The following RNF144B variants were observed in gnomAD, a reference collection of about 807,000 sequenced individuals.
RNF144B encodes E3 ubiquitin-protein ligase RNF144B.
RNF144B carries 25 observed loss-of-function variants against 40.2 expected under a neutral mutation model. The ratio of observed to expected loss-of-function variants is 0.62; its 90% CI spans 0.45 to 0.87. The LOEUF (loss-of-function observed/expected upper bound fraction) is 0.87, where lower values mean the gene tolerates loss of function less well. Ranked by LOEUF, RNF144B falls within the 40% of genes least tolerant of loss-of-function variation. The pLI, the probability that RNF144B is intolerant of heterozygous loss-of-function variation, is 0.00. For synonymous variants in RNF144B, 145 were observed against 136.3 expected, an observed-to-expected ratio of 1.06 and a Z score of -0.44; for missense variants, 365 against 373.7, an observed-to-expected ratio of 0.98 and a Z score of 0.19.
intron 1 of RNF144B, among the ~76,000 whole-genome samples, chr6:18,389,353 T>G (rs1234674889): frequency 6.6e-6 from 1 of 152,192 alleles, no homozygotes; most frequent in African/African-American, 2.4e-5. Context: ...GTATGCTCTC[T>G]CTGGAAAGAA....
chr6:18,397,476 T>A (rs1344170998), intron 1 of RNF144B, among the ~76,000 whole-genome samples: 1 of 152,206 alleles, frequency 6.6e-6, no homozygotes, highest in Non-Finnish European at 1.5e-5. Context: ...AACATGAAAT[T>A]TCCAGATGTG....
chr6:18,407,983 T>A (rs1358422753), intron 2 of RNF144B, among the ~76,000 whole-genome samples: 1 of 105,106 alleles, frequency 9.5e-6, no homozygotes, highest in Middle Eastern at 5.6e-3. Context: ...TCTTTCTTTT[T>A]CTTTTTTTTT....
chr6:18,434,577 G>A lies in RNF144B; in HGVS notation c.271-5107G>A, dbSNP rs557004570. Among the ~76,000 whole-genome samples, 1 of 152,214 alleles carries A rather than the reference G, an allele frequency of 6.6e-6. No individual in the cohort carries two copies. The highest frequency in any genetic ancestry group is 2.1e-4 in the South Asian group (1 of 4,818). ...GGATATGCTCTGCTAGGGATGAAAT[G>A]GAAAAGCAAAGACATTCAGCTGAGT... On this transcript the variant is annotated intron_variant, in intron 3 of 7. Coordinates refer to ENST00000259939, the MANE Select transcript of RNF144B (RefSeq NM_182757.4). This position sits in a 1 kb window ranked among gnomAD's most constrained non-coding sequence, Gnocchi z 4.1.
At chr6:18,394,780 T>G (rs996514196) in intron 1 of RNF144B, among the ~76,000 whole-genome samples, 1 of 152,204 alleles carries the variant, frequency 6.6e-6, no homozygotes, top group African/African-American at 2.4e-5. Flanking sequence ...AAAGGCGACT[T>G]TCCATTCTTT....
At chr6:18,439,580 G>A in intron 3 of RNF144B, 104 bp from the exon 4 acceptor site, 1 of 782,480 alleles carries the variant, frequency 1.3e-6, no homozygotes, top group Non-Finnish European at 2.2e-6. Context: ...AACAATTGGT[G>A]TAGAGAAAGT....
chr6:18,462,224 A>G (rs1164676226), intron 6 of RNF144B, among the ~76,000 whole-genome samples: 1 of 152,064 alleles, frequency 6.6e-6, no homozygotes, highest in Non-Finnish European at 1.5e-5. Context: ...CCTTCCAAAT[A>G]CTGCAATGTG....
chr6:18,413,296 TA>T (rs1562044929), intron 2 of RNF144B, among the ~76,000 whole-genome samples: 1 of 152,250 alleles, frequency 6.6e-6, no homozygotes, highest in Admixed American at 6.5e-5. Context: ...CAATAGCCTA[TA>T]AAATGCAAAA....
At chr6:18,399,468 A>T in intron 1 of RNF144B, 31 bp from the exon 2 acceptor site, 1 of 1,476,162 alleles carries the variant, frequency 6.8e-7, no homozygotes, top group African/African-American at 1.4e-5. Flanking sequence ...ATCAATCCAT[A>T]TAATATTTTC....
intron 4 of RNF144B, among the ~76,000 whole-genome samples, chr6:18,453,897 G>A (rs369006657): frequency 6.6e-6 from 1 of 152,276 alleles, no homozygotes; most frequent in African/African-American, 2.4e-5. Context: ...CAGCTGCAAG[G>A]AACAGAATGC....
rs1238135467 is a variant in RNF144B, at chr6:18,446,519, G to A, written c.331+6775G>A. ...TGTTCTCTGGAAACACCTGAATGTA[G>A]GGCTGAACAAAATAGAACTTGGCTA... On this transcript the variant is annotated intron_variant, in intron 4 of 7. Transcript: ENST00000259939. The surrounding 1 kb of genome is among the most constrained non-coding windows in gnomAD (Gnocchi z 4.7). 1.3e-5 allele frequency among the ~76,000 whole-genome samples: 2 copies of A among 152,112 alleles called. No individual in the cohort carries two copies. The highest frequency in any genetic ancestry group is 4.8e-5 in the African/African-American group (2 of 41,406).
chr6:18,447,484 T>C lies in RNF144B; in HGVS notation c.331+7740T>C, dbSNP rs1759110125. 6.6e-6 allele frequency among the ~76,000 whole-genome samples: 1 copy of C among 152,196 alleles called. No homozygotes were observed. Among genetic ancestry groups the C allele is most frequent in the African/African-American group, 2.4e-5 (1 of 41,450 alleles). ...CATTGGAGGGTTTGGATCAGGGGAATGTCGTGAAATGATTTCCATTTTAGA... is the reference window on the plus strand; with the variant it reads ...CATTGGAGGGTTTGGATCAGGGGAACGTCGTGAAATGATTTCCATTTTAGA... On this transcript the variant is annotated intron_variant, in intron 4 of 7. Coordinates refer to ENST00000259939, the MANE Select transcript of RNF144B (RefSeq NM_182757.4). The surrounding 1 kb of genome is among the most constrained non-coding windows in gnomAD (Gnocchi z 5.6).
Position 18,450,397 on chromosome 6 carries a change from A to G in RNF144B, c.332-6758A>G, listed in dbSNP as rs992353963. 2.0e-5 allele frequency among the ~76,000 whole-genome samples: 3 copies of G among 151,980 alleles called. No homozygotes were observed. The highest frequency in any genetic ancestry group is 4.4e-5 in the Non-Finnish European group (3 of 68,020). ...ACTGCGATCTCCGCCTCCCGGGTTC[A>G]AGTGATTCTCCTGCCTCAGCCTCCC... On this transcript the variant is annotated intron_variant, in intron 4 of 7. Coordinates refer to ENST00000259939, the MANE Select transcript of RNF144B (RefSeq NM_182757.4). The surrounding 1 kb of genome is among the most constrained non-coding windows in gnomAD (Gnocchi z 4.7).
At chr6:18,455,700 A>G (rs181068831) in intron 4 of RNF144B, among the ~76,000 whole-genome samples, 1 of 152,300 alleles carries the variant, frequency 6.6e-6, no homozygotes, top group Admixed American at 6.5e-5. Flanking sequence ...GTATATGGAA[A>G]GAACATGGGG....
intron 1 of RNF144B, among the ~76,000 whole-genome samples, chr6:18,388,915 G>A (rs887391726): frequency 3.3e-5 from 5 of 151,638 alleles, no homozygotes. Flanking sequence ...TTAAAAAAAG[G>A]TAAACATATA....
Position 18,393,609 on chromosome 6 carries a change from T to C in RNF144B, c.-36-5890T>C, listed in dbSNP as rs768425649. Among the ~76,000 whole-genome samples the C allele has an allele frequency of 4.6e-5, 7 of 152,220 alleles. 1 individual carries two copies. The highest frequency in any genetic ancestry group is 1.0e-4 in the Non-Finnish European group (7 of 68,040). ...GATCAACATAATGCTGATTTTCAGA[T>C]TGCATTGAGTGGAAACTGGTTGCCT... On this transcript the variant is annotated intron_variant, in intron 1 of 7. Coordinates refer to ENST00000259939, the MANE Select transcript of RNF144B (RefSeq NM_182757.4).
rs73377661 is a variant in RNF144B at position 18,440,081 on chromosome 6, C to T, written c.331+337C>T. 4.7e-3 allele frequency among the ~76,000 whole-genome samples: 718 copies of T among 152,212 alleles called. 9 individuals are homozygous for T. Among genetic ancestry groups the T allele is most frequent in the African/African-American group, 0.016 (666 of 41,546 alleles). ...CGAAATGGGTTTTACCACTAATTTTCGATTCTTGAAGATCACTTCGAAACA... is the reference window on the plus strand; with the variant it reads ...CGAAATGGGTTTTACCACTAATTTTTGATTCTTGAAGATCACTTCGAAACA... On this transcript the variant is annotated intron_variant, in intron 4 of 7. Transcript: ENST00000259939.
chr6:18,390,241 CTAAGT>C (rs1554171074), intron 1 of RNF144B, among the ~76,000 whole-genome samples: 1 of 152,168 alleles, frequency 6.6e-6, no homozygotes, highest in Non-Finnish European at 1.5e-5. Context: ...TATATGACAC[CTAAGT>C]TAATTTATGT....
In RNF144B at chr6:18,450,804, T is replaced by A. The variant is rs535790762; in HGVS notation, c.332-6351T>A. ...ATATCCAGAAAAAGTCTGTTCTCTC[T>A]TCTACAGCTTCTAAATGCTGCCTGC... On this transcript the variant is annotated intron_variant, in intron 4 of 7. Coordinates refer to ENST00000259939, the MANE Select transcript of RNF144B (RefSeq NM_182757.4). The surrounding 1 kb of genome is among the most constrained non-coding windows in gnomAD (Gnocchi z 4.7). Among the ~76,000 whole-genome samples the A allele has an allele frequency of 5.9e-5, 9 of 152,336 alleles. No homozygotes were observed. The highest frequency in any genetic ancestry group is 1.9e-4 in the African/African-American group (8 of 41,582).
intron 3 of RNF144B, among the ~76,000 whole-genome samples, chr6:18,429,110 A>T (rs2113501292): frequency 6.6e-6 from 1 of 152,200 alleles, no homozygotes; most frequent in South Asian, 2.1e-4. Context: ...AGGTGAGAGG[A>T]TTGCTTGAGC....
Sources: allele counts gnomAD v4.1 joint callset (sites outside exome capture counted in the v4.1 genomes callset), GRCh38; gene constraint gnomAD v4.1.1; non-coding constraint Gnocchi (gnomAD v3.1); transcripts MANE v1.5; gene names NCBI Gene and HGNC (gene_info 2026-07-23, HGNC 2026-07-21).